Variants in CAMTA1 observed in about 807,000 individuals in gnomAD.
CAMTA1 encodes the protein calmodulin-binding transcription activator 1.
In CAMTA1, 27 loss-of-function variants were observed where a neutral mutation model predicts 170.9. The ratio of observed to expected loss-of-function variants is 0.16; its 90% CI spans 0.12 to 0.22. The LOEUF (loss-of-function observed/expected upper bound fraction) is 0.22, where lower values mean the gene tolerates loss of function less well. Ranked by LOEUF, CAMTA1 falls within the 10% of genes least tolerant of loss-of-function variation. CAMTA1 has a pLI of 1.00. For missense variants in CAMTA1, 1,619 were observed against 2,217.2 expected, an observed-to-expected ratio of 0.73 and a Z score of 5.42; for synonymous variants, 833 against 891.5, an observed-to-expected ratio of 0.93 and a Z score of 1.17.
rs540492514 is a variant in CAMTA1 at position 7,712,648 on chromosome 1, A to G, written c.2915-19800A>G. Among the ~76,000 whole-genome samples, 8 of 152,318 alleles carry G rather than the reference A, an allele frequency of 5.3e-5. No homozygotes were observed. The East Asian group carries it at 1.2e-3, about 22-fold the overall frequency. ...CTTACTTTTATTCCCAAATGGAACA[A>G]AGAGAGTGAAAGAAATCTTTCTGAG... On this transcript the variant is annotated intron_variant, in intron 11 of 22. Transcript: ENST00000303635.
chr1:7,587,116 C>T lies in CAMTA1; in HGVS notation c.511-53284C>T, dbSNP rs561089857. On this transcript the variant is annotated intron_variant, in intron 6 of 22. Transcript: ENST00000303635. ...CAGTCATTCTATCTGTCTGTCTGCA[C>T]GCCTTCCCTTCCCCACTCCCATCCC... Among the ~76,000 whole-genome samples, 9 of 152,126 alleles carry T rather than the reference C, an allele frequency of 5.9e-5. No individual in the cohort carries two copies. In the East Asian group the frequency reaches 7.7e-4, roughly 13 times the overall value.
At chr1:7,031,040 G>T (rs1273603975) in intron 3 of CAMTA1, among the ~76,000 whole-genome samples, 1 of 138,730 alleles carries the variant, frequency 7.2e-6, no homozygotes, top group Non-Finnish European at 1.5e-5. Flanking sequence ...TAGAGACAGG[G>T]TTTCACCGTT....
intron 5 of CAMTA1, among the ~76,000 whole-genome samples, chr1:7,269,911 G>T (rs1238884051): frequency 1.3e-5 from 2 of 151,984 alleles, no homozygotes; most frequent in African/African-American, 4.8e-5. Flanking sequence ...ATATAATCAA[G>T]TTTGCTAAAA....
chr1:7,142,457 G>C (rs1431618941), intron 4 of CAMTA1, among the ~76,000 whole-genome samples: 5 of 152,236 alleles, frequency 3.3e-5, no homozygotes, highest in Non-Finnish European at 7.3e-5. Context: ...GTGGGCAGAA[G>C]GTGCTGCTCT....
intron 5 of CAMTA1, among the ~76,000 whole-genome samples, chr1:7,453,672 T>C (rs1033158582): frequency 1.3e-5 from 2 of 152,242 alleles, no homozygotes; most frequent in African/African-American, 4.8e-5. Context: ...AAAAGCCATG[T>C]TGCAGGCAAC....
At chr1:7,310,652 T>C (rs867503742) in intron 5 of CAMTA1, among the ~76,000 whole-genome samples, 3 of 58,978 alleles carry the variant, frequency 5.1e-5, no homozygotes, top group Admixed American at 2.1e-4. Context: ...TTCTTTTTTC[T>C]TTCTTTCTTT....
chr1:7,736,783 C>T lies in CAMTA1; in HGVS notation c.3264-148C>T, dbSNP rs1318737768. ...TCTTTGGACCCCTAGCCAAATGGAG[C>T]GTCCACACTGCCCTGGGACTCTGTT... On this transcript the variant is annotated intron_variant, in intron 13 of 22. Coordinates refer to ENST00000303635, the MANE Select transcript of CAMTA1 (RefSeq NM_015215.4). The surrounding 1 kb of genome is among the most constrained non-coding windows in gnomAD (Gnocchi z 4.5). The T allele has an allele frequency of 8.4e-6, 6 of 712,774 alleles. No individual in the cohort carries two copies. Among genetic ancestry groups the T allele is most frequent in the East Asian group, 2.7e-5 (1 of 37,092 alleles). 44.2% of individuals were successfully genotyped at this position (712,774 alleles called of 1,614,324 possible).
chr1:7,691,450 A>G (rs1226538309), intron 11 of CAMTA1, among the ~76,000 whole-genome samples: 1 of 152,182 alleles, frequency 6.6e-6, no homozygotes, highest in Non-Finnish European at 1.5e-5. Flanking sequence ...TGGCAGCCAC[A>G]TGGAGAACAG....
At chr1:7,726,926 C>CT (rs907471210) in intron 11 of CAMTA1, among the ~76,000 whole-genome samples, 1 of 152,188 alleles carries the variant, frequency 6.6e-6, no homozygotes, top group Non-Finnish European at 1.5e-5. Context: ...TGTAACTTTC[C>CT]TTCTGTGCAG....
chr1:7,060,964 G>A (rs995358496), intron 3 of CAMTA1, among the ~76,000 whole-genome samples: 1 of 152,186 alleles, frequency 6.6e-6, no homozygotes, highest in African/African-American at 2.4e-5. Context: ...AGGAGGAGCA[G>A]ATCATTTTCT....
intron 6 of CAMTA1, among the ~76,000 whole-genome samples, chr1:7,485,140 C>T (rs1378772110): frequency 6.6e-6 from 1 of 152,194 alleles, no homozygotes; most frequent in African/African-American, 2.4e-5. Context: ...TCTGGCTGCC[C>T]ATCCCCAGTC....
rs745719073 is a variant in CAMTA1, at chr1:7,640,509, C to T, written c.620C>T (p.Ala207Val). 23 of 1,614,214 alleles carry T rather than the reference C, an allele frequency of 1.4e-5. No individual in the cohort carries two copies. Among genetic ancestry groups the T allele is most frequent in the Middle Eastern group, 1.6e-4 (1 of 6,062 alleles). Residue 207 changes from alanine (A) to valine (V), a missense_variant, in exon 7 of 23, where the codon GCG becomes GTG. Ala to Val is a moderately conservative substitution (Grantham distance 64, BLOSUM62 0). This residue lies in a region of CAMTA1 where 97 missense variants were observed against 225.4 expected (regional missense o/e 0.43). Coordinates refer to ENST00000303635, the MANE Select transcript of CAMTA1 (RefSeq NM_015215.4). ...ATCAACACCGACAAGAAGGAGTGGGCGAAATGGACGAAAGAAGAGCTCATC... is the reference window on the plus strand; with the variant it reads ...ATCAACACCGACAAGAAGGAGTGGGTGAAATGGACGAAAGAAGAGCTCATC... Reference protein sequence around the residue: ...CSINTDKKEWAKWTKEELIGQ... With the variant: ...CSINTDKKEWVKWTKEELIGQ...
intron 3 of CAMTA1, among the ~76,000 whole-genome samples, chr1:6,900,780 GAGA>G (rs1676765972): frequency 6.6e-6 from 1 of 152,212 alleles, no homozygotes; most frequent in South Asian, 2.1e-4. Context: ...GAGAAATTAA[GAGA>G]AGATCTATAT....
intron 5 of CAMTA1, among the ~76,000 whole-genome samples, chr1:7,312,005 T>C (rs1310118169): frequency 1.3e-5 from 2 of 152,160 alleles, no homozygotes; most frequent in African/African-American, 4.8e-5. Flanking sequence ...TTGTGAGATT[T>C]TCCCTCTCCA....
At chr1:6,816,812 G>A (rs1645881511) in intron 1 of CAMTA1, among the ~76,000 whole-genome samples, 3 of 152,220 alleles carry the variant, frequency 2.0e-5, no homozygotes, top group South Asian at 4.1e-4. Flanking sequence ...CGCCTAGAGG[G>A]AGATCAAAAC....
intron 3 of CAMTA1, among the ~76,000 whole-genome samples, chr1:6,952,483 T>G (rs901634024): frequency 8.1e-5 from 12 of 148,316 alleles, no homozygotes; most frequent in African/African-American, 3.0e-4. Context: ...GAGTTTTCTT[T>G]GGGAATAAAT....
chr1:7,205,595 A>G (rs1465285303), intron 4 of CAMTA1, among the ~76,000 whole-genome samples: 1 of 152,186 alleles, frequency 6.6e-6, no homozygotes, highest in African/African-American at 2.4e-5. Flanking sequence ...TGTATCTGAC[A>G]TGGTATAACA....
Position 7,663,530 on chromosome 1 carries a change from G to A in CAMTA1, c.983G>A (p.Gly328Asp). The change falls in exon 9 of 23, where the codon GGC (glycine) becomes GAC (aspartate). Residue 328 changes from glycine (G) to aspartate (D), a missense_variant. Coordinates refer to ENST00000303635, the MANE Select transcript of CAMTA1 (RefSeq NM_015215.4). ...SKGSSREKRN[G>D]KVAKPVLLHQ... is the part of the protein sequence containing the mutation. ...GGCTCCAGCCGTGAGAAGAGGAACG[G>A]CAAGGTGGCCAAGCCCGTGCTCCTG... 6.2e-7 allele frequency: 1 copy of A among 1,604,294 alleles called. No individual in the cohort carries two copies. The highest frequency in any genetic ancestry group is 8.5e-7 in the Non-Finnish European group (1 of 1,172,148).
intron 3 of CAMTA1, among the ~76,000 whole-genome samples, chr1:7,057,074 G>T (rs966516861): frequency 6.6e-6 from 1 of 152,188 alleles, no homozygotes; most frequent in Non-Finnish European, 1.5e-5. Context: ...TCTCTCGGGT[G>T]GGGAGGAAAG....
Sources: gnomAD v4.1 joint callset for allele counts (sites outside exome capture counted in the v4.1 genomes callset) on GRCh38, gnomAD v4.1.1 for gene constraint, gnomAD v4.1.1 regional missense constraint, Gnocchi (gnomAD v3.1) non-coding constraint, MANE v1.5 for transcripts, NCBI Gene and HGNC (gene_info 2026-07-23, HGNC 2026-07-21) for gene names.